Variants in ABCB5 observed in about 807,000 individuals in gnomAD.
ABCB5 encodes ATP binding cassette subfamily B member 5, also known as ATP-binding cassette sub-family B member 5.
In ABCB5, 155 loss-of-function variants were observed where a neutral mutation model predicts 144.2. The ratio of observed to expected loss-of-function variants is 1.08; its 90% confidence interval spans 0.94 to 1.23. The LOEUF is 1.23. Among genes scored for constraint, ABCB5 ranks in the 50% most tolerant of loss-of-function variants. The pLI is 0.00. For missense variants in ABCB5, 1,830 were observed against 1,520.8 expected (o/e 1.20, Z -3.38); for synonymous variants, 610 against 528.6 (o/e 1.15, Z -2.11).
At chr7:20,727,285 T>TG in intron 22 of ABCB5, 145 bp downstream of exon 22, 1 of 531,328 alleles carries the variant, frequency 1.9e-6, no homozygotes, top group Non-Finnish European at 3.3e-6. Flanking sequence ...TCATATGACT[T>TG]CACCAAGAGA....
At chr7:20,663,012 A>T (rs576145094) in intron 14 of ABCB5, among the ~76,000 whole-genome samples, 1 of 152,348 alleles carries the variant, frequency 6.6e-6, no homozygotes, top group African/African-American at 2.4e-5. Flanking sequence ...TAAGACATTT[A>T]TTCTCCTGTT....
At position 20,643,280 on chromosome 7, in the gene ABCB5, G is replaced by A; in HGVS notation, c.411G>A (p.Lys137=). 1 of 1,613,922 alleles carries A rather than the reference G, an allele frequency of 6.2e-7. No individual in the cohort carries two copies. Among genetic ancestry groups the A allele is most frequent in the Non-Finnish European group, 8.5e-7 (1 of 1,179,870 alleles). The change falls in exon 6 of 28, where the codon AAG becomes AAA. Residue 137 remains lysine (K), a synonymous_variant. Transcript: ENST00000404938. ...TTATAACTGCAGCACGACAGACCAA[G>A]AGGATTCGAAAACAGTTTTTTCATT... The part of the protein sequence containing the change: ...LWIITAARQT[K]RIRKQFFHSV...
intron 16 of ABCB5, among the ~76,000 whole-genome samples, chr7:20,688,983 G>A (rs1204614832): frequency 6.6e-6 from 1 of 151,590 alleles, no homozygotes; most frequent in Non-Finnish European, 1.5e-5. Flanking sequence ...GGGGAGAGGG[G>A]GGAGGGATAG....
At chr7:20,655,569 A>G (rs1290786093) in intron 13 of ABCB5, among the ~76,000 whole-genome samples, 1 of 152,188 alleles carries the variant, frequency 6.6e-6, no homozygotes, top group African/African-American at 2.4e-5. Flanking sequence ...TTCACAAAGC[A>G]TCAACAGACA....
At chr7:20,711,404 A>C (rs1348839034) in intron 20 of ABCB5, among the ~76,000 whole-genome samples, 1 of 148,706 alleles carries the variant, frequency 6.7e-6, no homozygotes, top group African/African-American at 2.5e-5. Flanking sequence ...AATTTTTTTG[A>C]AATATATTTC....
intron 14 of ABCB5, among the ~76,000 whole-genome samples, chr7:20,668,422 T>G (rs542839130): frequency 0.018 from 2,366 of 133,368 alleles, no homozygotes; most frequent in African/African-American, 0.026. Context: ...CAACCCTGTC[T>G]GGGAGGTGAG....
In ABCB5 at chr7:20,698,455, C is replaced by A; in HGVS notation, c.2059C>A (p.Pro687Thr). Residue 687 changes from proline (P) to threonine (T), a missense_variant, in exon 17 of 28, where the codon CCT (proline) becomes ACT (threonine). By Grantham distance (38) the Pro-to-Thr change is conservative. Coordinates refer to ENST00000404938, the MANE Select transcript of ABCB5 (RefSeq NM_001163941.2). ...ATTAAAAATTTTAAAGTTAAACAAG[C>A]CTGAATGGCCTTTTGTGGTTCTGGG... ...SLLKILKLNK[P>T]EWPFVVLGTL... 3 of 1,595,510 alleles carry A rather than the reference C, an allele frequency of 1.9e-6. No homozygotes were observed. The highest frequency in any genetic ancestry group is 2.3e-5 in the East Asian group (1 of 44,396).
chr7:20,730,261 G>A (rs1288410330), intron 23 of ABCB5, among the ~76,000 whole-genome samples: 1 of 152,246 alleles, frequency 6.6e-6, no homozygotes, highest in Non-Finnish European at 1.5e-5. Flanking sequence ...TCTAATCCCA[G>A]CACTTTGGGA....
intron 5 of ABCB5, among the ~76,000 whole-genome samples, chr7:20,636,743 C>A (rs554403760): frequency 7.0e-6 from 1 of 143,100 alleles, no homozygotes; most frequent in East Asian, 2.0e-4. Flanking sequence ...TGAGATCACA[C>A]CACTGCACTC....
chr7:20,651,660 G>A (rs1784598532), intron 13 of ABCB5, 37 bp downstream of exon 13: 5 of 1,597,668 alleles, frequency 3.1e-6, no homozygotes, highest in East Asian at 2.2e-5. Context: ...TTAGCTTATG[G>A]TGGCAGCGCT....
At chr7:20,680,285 C>A (rs1315216949) in intron 14 of ABCB5, among the ~76,000 whole-genome samples, 1 of 151,986 alleles carries the variant, frequency 6.6e-6, no homozygotes, top group Non-Finnish European at 1.5e-5. Context: ...TGAGGCCGAG[C>A]GCGGTGGTCA....
chr7:20,713,434 C>G (rs879078705), intron 20 of ABCB5, among the ~76,000 whole-genome samples: 1 of 149,128 alleles, frequency 6.7e-6, no homozygotes, highest in Admixed American at 6.7e-5. Flanking sequence ...CAGGGTCTCA[C>G]TGTGTTGTCC....
intron 21 of ABCB5, among the ~76,000 whole-genome samples, chr7:20,725,449 C>T (rs1403674222): frequency 2.6e-5 from 4 of 152,180 alleles, no homozygotes; most frequent in East Asian, 1.9e-4. Context: ...TATGGTGGCA[C>T]ACGCCTGCAA....
At chr7:20,669,165 G>A (rs1294571149) in intron 14 of ABCB5, among the ~76,000 whole-genome samples, 5 of 149,102 alleles carry the variant, frequency 3.4e-5, no homozygotes, top group African/African-American at 5.0e-5. Flanking sequence ...GCTTCTGCCC[G>A]GCCGCCCCTA....
intron 5 of ABCB5, among the ~76,000 whole-genome samples, chr7:20,632,544 A>G (rs1305372754): frequency 6.6e-6 from 1 of 152,144 alleles, no homozygotes; most frequent in East Asian, 1.9e-4. Flanking sequence ...TCATGCTGCT[A>G]TAAAAACACA....
intron 23 of ABCB5, among the ~76,000 whole-genome samples, chr7:20,733,460 G>T (rs1782285315): frequency 6.6e-6 from 1 of 151,836 alleles, no homozygotes; most frequent in Non-Finnish European, 1.5e-5. Flanking sequence ...TTAAAAGGGG[G>T]TCTCTTCTAG....
chr7:20,659,028 C>T, intron 14 of ABCB5: 1 of 1,601,618 alleles, frequency 6.2e-7, no homozygotes, highest in Non-Finnish European at 8.6e-7. Context: ...CTACATACAC[C>T]TGTGGGATTC....
intron 16 of ABCB5, among the ~76,000 whole-genome samples, chr7:20,697,101 T>C (rs1786445072): frequency 6.6e-6 from 1 of 152,172 alleles, no homozygotes; most frequent in Admixed American, 6.6e-5. Flanking sequence ...TTTTGAACAG[T>C]GACCTAGCTG....
At chr7:20,646,489 G>A (rs1043436742) in intron 9 of ABCB5, among the ~76,000 whole-genome samples, 2 of 152,106 alleles carry the variant, frequency 1.3e-5, no homozygotes, top group African/African-American at 2.4e-5. Context: ...ATCAGACGGA[G>A]TTCTGCATTC....
Sources: gnomAD v4.1 joint callset for allele counts (sites outside exome capture counted in the v4.1 genomes callset) on GRCh38, gnomAD v4.1.1 for gene constraint, MANE v1.5 for transcripts, NCBI Gene and HGNC (gene_info 2026-07-23, HGNC 2026-07-21) for gene names.